The following SLIT1 variants were observed in gnomAD, a reference collection of about 807,000 sequenced individuals.
The protein encoded by SLIT1 is slit homolog 1 protein.
Under a neutral mutation model 186.1 loss-of-function variants are expected in SLIT1, and 66 were observed. The ratio of observed to expected loss-of-function variants is 0.35; its 90% CI spans 0.29 to 0.44. The LOEUF (loss-of-function observed/expected upper bound fraction) is 0.44. Ranked by LOEUF, SLIT1 falls within the 20% of genes least tolerant of loss-of-function variation. The pLI is 1.00. For synonymous variants in SLIT1, 761 were observed against 833.8 expected, an observed-to-expected ratio of 0.91 and a Z score of 1.50; for missense variants, 1,638 against 2,037.4, an observed-to-expected ratio of 0.80 and a Z score of 3.77.
chr10:97,161,722 G>A (rs1033751924), intron 3 of SLIT1, among the ~76,000 whole-genome samples: 1 of 152,204 alleles, frequency 6.6e-6, no homozygotes, highest in African/African-American at 2.4e-5. Flanking sequence ...AGATTGCAGT[G>A]AGCCGAGATT....
intron 4 of SLIT1, among the ~76,000 whole-genome samples, chr10:97,112,764 C>T (rs1849476426): frequency 6.6e-6 from 1 of 152,132 alleles, no homozygotes; most frequent in Non-Finnish European, 1.5e-5. Flanking sequence ...TGCAGTGGCA[C>T]AATCTCTTCA....
At position 97,000,343 on chromosome 10, in the gene SLIT1, C is replaced by G. The variant is rs978736581; in HGVS notation, c.*769G>C. ...TGTTTGTTTATCTAGAGCAAAGAAC[C>G]CTCTGCCCTCTTTAGTGGGGTCTGC... On this transcript the variant is annotated 3_prime_UTR_variant, in exon 37 of 37. Transcript: ENST00000266058. The G allele has an allele frequency of 5.3e-5, 8 of 152,342 alleles. No homozygotes were observed. The highest frequency in any genetic ancestry group is 1.9e-4 in the African/African-American group (8 of 41,458). 9.4% of individuals were successfully genotyped at this position (152,342 alleles called of 1,614,324 possible).
At chr10:97,048,691 C>T (rs550920361) in intron 14 of SLIT1, among the ~76,000 whole-genome samples, 2 of 152,224 alleles carry the variant, frequency 1.3e-5, no homozygotes, top group East Asian at 1.9e-4. Flanking sequence ...TCAGGGGGTC[C>T]CTGAGCAGGC....
chr10:97,111,238 G>C (rs1275709792), intron 4 of SLIT1, among the ~76,000 whole-genome samples: 2 of 151,904 alleles, frequency 1.3e-5, no homozygotes, highest in Non-Finnish European at 2.9e-5. Flanking sequence ...CCTAATATAG[G>C]TAAGGACATC....
At position 97,046,815 on chromosome 10, in the gene SLIT1, G is replaced by A; in HGVS notation, c.1710-18C>T. The A allele has an allele frequency of 6.2e-7, 1 of 1,609,502 alleles. No homozygotes were observed. Among genetic ancestry groups the A allele is most frequent in the Non-Finnish European group, 8.5e-7 (1 of 1,179,716 alleles). ...TCAGATTGCTGGGAGAAGAGGCGGG[G>A]GGAGGATTACATATGGCCAGCAGCC... On this transcript the variant is annotated intron_variant, in intron 17 of 36. Coordinates refer to ENST00000266058, the MANE Select transcript of SLIT1 (RefSeq NM_003061.3).
At chr10:97,123,656 G>A (rs1046099250) in intron 4 of SLIT1, among the ~76,000 whole-genome samples, 6 of 152,110 alleles carry the variant, frequency 3.9e-5, no homozygotes, top group Admixed American at 2.0e-4. Flanking sequence ...TGGGCATGGT[G>A]GCAGGCGCCT....
Position 97,014,226 on chromosome 10 carries a change from G to C in SLIT1, c.2970-68C>G, listed in dbSNP as rs556205827. ...CACTGGTGGAAGCCTGTGGCTGCCG[G>C]TTAATATCACCATTCCACGGAGTTA... On this transcript the variant is annotated intron_variant, in intron 28 of 36. Transcript: ENST00000266058. 2.3e-5 allele frequency: 35 copies of C among 1,550,928 alleles called. No homozygotes were observed. In the East Asian group the frequency reaches 6.5e-4, roughly 29 times the overall value.
chr10:97,106,090 G>A lies in SLIT1; in HGVS notation c.414-40004C>T, dbSNP rs1849411085. On this transcript the variant is annotated intron_variant, in intron 4 of 36. Transcript: ENST00000266058. Reference sequence around the variant, plus strand: ...CCCAGTGGTAACCCCAGTTTTGTCTGGAGATCCGCCCCTCCCCAACTCTGG... The same window carrying A: ...CCCAGTGGTAACCCCAGTTTTGTCTAGAGATCCGCCCCTCCCCAACTCTGG... 7.9e-5 allele frequency among the ~76,000 whole-genome samples: 12 copies of A among 152,266 alleles called. No individual in the cohort carries two copies. The South Asian group carries it at 2.5e-3, about 32-fold the overall frequency.
At position 97,040,120 on chromosome 10, in the gene SLIT1, C is replaced by G. The variant is rs1196861457; in HGVS notation, c.2165G>C (p.Gly722Ala). 5.8e-6 allele frequency: 9 copies of G among 1,564,050 alleles called. No individual in the cohort carries two copies. The East Asian group carries it at 2.1e-4, about 36-fold the overall frequency. The change falls in exon 21 of 37, where the codon GGC becomes GCC. Residue 722 changes from glycine (G) to alanine (A), a missense_variant and splice_region_variant. Transcript: ENST00000266058. ...GGGCAGGCAGCCCCCCTCCTCCTGG[C>G]CTAGGGAAGAAGGCACGAAGCCCCT... is the stretch of plus-strand genomic sequence containing the variant. Reference protein sequence around the residue: ...VAFPDFRCEEGQEEGGCLPRP... With the variant: ...VAFPDFRCEEAQEEGGCLPRP...
At chr10:97,048,123 C>T in intron 14 of SLIT1, 127 bp from the exon 15 acceptor site, 1 of 1,008,744 alleles carries the variant, frequency 9.9e-7, no homozygotes, top group Non-Finnish European at 1.6e-6. Context: ...TCTGCCCAGT[C>T]CCTGTGTGCA....
intron 13 of SLIT1, among the ~76,000 whole-genome samples, chr10:97,051,811 CAAA>C (rs201020231): frequency 6.4e-5 from 8 of 124,176 alleles, no homozygotes; most frequent in Non-Finnish European, 4.8e-5. Context: ...AACTCCATCT[CAAA>C]AAAAAAAAAA....
chr10:97,049,499 G>A (rs1336632299), intron 13 of SLIT1, among the ~76,000 whole-genome samples: 7 of 152,246 alleles, frequency 4.6e-5, no homozygotes, highest in African/African-American at 1.7e-4. Flanking sequence ...CCTTTCACAG[G>A]CAAGGAAGCC....
Position 97,019,815 on chromosome 10 carries a change from G to T in SLIT1, c.2747-708C>A, listed in dbSNP as rs1025502517. Among the ~76,000 whole-genome samples, 7 of 152,244 alleles carry T rather than the reference G, an allele frequency of 4.6e-5. No individual in the cohort carries two copies. In the East Asian group the frequency reaches 7.7e-4, roughly 17 times the overall value. Reference sequence around the variant, plus strand: ...TAAATAGGAAGACCAGTGAACTCAGGCTTCCCCAGAAGATGCCTTCTAGAA... The same window carrying T: ...TAAATAGGAAGACCAGTGAACTCAGTCTTCCCCAGAAGATGCCTTCTAGAA... On this transcript the variant is annotated intron_variant, in intron 26 of 36. Coordinates refer to ENST00000266058, the MANE Select transcript of SLIT1 (RefSeq NM_003061.3).
intron 36 of SLIT1, 121 bp from the exon 37 acceptor site, chr10:97,001,471 C>G: frequency 1.4e-6 from 1 of 719,260 alleles, no homozygotes; most frequent in Non-Finnish European, 2.4e-6. Context: ...TCCTTTGGCT[C>G]TCAGACCCCA....
chr10:97,020,310 G>T (rs1848491408), intron 26 of SLIT1, among the ~76,000 whole-genome samples: 2 of 152,132 alleles, frequency 1.3e-5, no homozygotes, highest in Non-Finnish European at 2.9e-5. Flanking sequence ...GGTTACCTGG[G>T]TGAGTTCAGT....
At chr10:97,149,456 A>G (rs1265422644) in intron 4 of SLIT1, among the ~76,000 whole-genome samples, 1 of 152,130 alleles carries the variant, frequency 6.6e-6, no homozygotes, top group African/African-American at 2.4e-5. Context: ...TGGCTCTCAC[A>G]TTGAACCGGG....
In SLIT1 at chr10:97,000,840, C is replaced by T; in HGVS notation, c.*272G>A. 2 of 491,092 alleles carry T rather than the reference C, an allele frequency of 4.1e-6. No homozygotes were observed. Among genetic ancestry groups the T allele is most frequent in the Non-Finnish European group, 7.4e-6 (2 of 271,556 alleles). 30.4% of individuals were successfully genotyped at this position (491,092 alleles called of 1,614,324 possible). A position where few individuals can be genotyped will look rare whatever the true frequency, so the allele number is the denominator to read the frequency against. On this transcript the variant is annotated 3_prime_UTR_variant, in exon 37 of 37. Coordinates refer to ENST00000266058, the MANE Select transcript of SLIT1 (RefSeq NM_003061.3). ...CTTGGCCTGACCTCACGCACACATT[C>T]ACTCAACAAATATTTATTAAGCGCC...
intron 4 of SLIT1, among the ~76,000 whole-genome samples, chr10:97,126,123 C>A (rs1849601672): frequency 6.6e-6 from 1 of 152,154 alleles, no homozygotes; most frequent in African/African-American, 2.4e-5. Flanking sequence ...TTATATGTCT[C>A]CGTCTTATTT....
At chr10:97,058,326 T>C (rs1490076169) in intron 11 of SLIT1, among the ~76,000 whole-genome samples, 1 of 152,194 alleles carries the variant, frequency 6.6e-6, no homozygotes, top group Non-Finnish European at 1.5e-5. Flanking sequence ...CGTTCCTATA[T>C]GCAGGGAGGT....
Sources: allele counts gnomAD v4.1 joint callset (sites outside exome capture counted in the v4.1 genomes callset), GRCh38; gene constraint gnomAD v4.1.1; transcripts MANE v1.5; gene names NCBI Gene and HGNC (gene_info 2026-07-23, HGNC 2026-07-21).